Variants in UXS1 observed in about 807,000 individuals in gnomAD.
The protein encoded by UXS1 is UDP-glucuronate decarboxylase 1.
Under a neutral mutation model 62.6 loss-of-function variants are expected in UXS1, and 33 were observed. That is an observed-to-expected ratio of 0.53 (90% CI 0.40 to 0.70). The LOEUF (loss-of-function observed/expected upper bound fraction) is 0.70. UXS1 is among the 30% of genes least tolerant of loss of function. UXS1 has a pLI of 0.00. For synonymous variants in UXS1, 213 were observed against 206.8 expected, an observed-to-expected ratio of 1.03 and a Z score of -0.26; for missense variants, 434 against 556.3, an observed-to-expected ratio of 0.78 and a Z score of 2.21.
intron 14 of UXS1, among the ~76,000 whole-genome samples, chr2:106,095,960 T>C (rs2104819832): frequency 6.6e-6 from 1 of 152,278 alleles, no homozygotes; most frequent in African/African-American, 2.4e-5. Flanking sequence ...CGCCCCACCC[T>C]GCCCCCTTCA....
chr2:106,142,914 T>C lies in UXS1; in HGVS notation c.472+2276A>G, dbSNP rs898934442. Among the ~76,000 whole-genome samples, 5 of 131,198 alleles carry C rather than the reference T, an allele frequency of 3.8e-5. No homozygotes were observed. In the East Asian group the frequency reaches 9.0e-4, roughly 24 times the overall value. 86.1% of individuals were successfully genotyped at this position (131,198 alleles called of 152,430 possible). On this transcript the variant is annotated intron_variant, in intron 6 of 14. Coordinates refer to ENST00000283148, the MANE Select transcript of UXS1 (RefSeq NM_001253875.2). ...ATGTGTGGGTGTGTGGGTGTGTGTG[T>C]TTGCATGTATGTGTGTGTGTGTGTG...
At chr2:106,138,231 C>T (rs898696682) in intron 6 of UXS1, 15 of 985,498 alleles carry the variant, frequency 1.5e-5, no homozygotes, top group Middle Eastern at 1.0e-3. Context: ...AAGCTCAATC[C>T]AGACGTCAGT....
At chr2:106,104,876 A>C in intron 10 of UXS1, 39 bp from the exon 11 acceptor site, 3 of 1,613,630 alleles carry the variant, frequency 1.9e-6, no homozygotes, top group Non-Finnish European at 2.5e-6. Flanking sequence ...TGATAAAACC[A>C]CACCCGTCCT....
At chr2:106,167,429 T>C (rs1039030984) in intron 1 of UXS1, among the ~76,000 whole-genome samples, 4 of 152,170 alleles carry the variant, frequency 2.6e-5, no homozygotes, top group African/African-American at 4.8e-5. Context: ...TAGGATCTCA[T>C]AACCCCAGGC....
chr2:106,173,399 C>G (rs1485188753), intron 1 of UXS1, among the ~76,000 whole-genome samples: 1 of 152,002 alleles, frequency 6.6e-6, no homozygotes, highest in African/African-American at 2.4e-5. Context: ...CAAAAAAATA[C>G]AAAAATTAGC....
rs773855011 is a variant in UXS1 at position 106,096,816 on chromosome 2, C to T, written c.1048G>A (p.Gly350Arg). 7.6e-6 allele frequency: 12 copies of T among 1,583,330 alleles called. No individual in the cohort carries two copies. The Middle Eastern group carries it at 5.0e-4, about 65-fold the overall frequency. The change falls in exon 14 of 15, where the codon GGA (glycine) becomes AGA (arginine). Residue 350 changes from glycine (G) to arginine (R), a missense_variant. This residue lies in a region of UXS1 where 209 missense variants were observed against 233.3 expected (regional missense o/e 0.90). Transcript: ENST00000283148. ...AQLIKNLVGSGSEIQFLSEAQ... is the reference protein window; with the variant it reads ...AQLIKNLVGSRSEIQFLSEAQ... ...TCGGAGAGAAACTGAATTTCACTTC[C>T]GCTACCTGAGATGTTTAAAGAAAAA...
At chr2:106,103,560 T>C (rs892507033) in intron 11 of UXS1, among the ~76,000 whole-genome samples, 2 of 152,242 alleles carry the variant, frequency 1.3e-5, no homozygotes, top group African/African-American at 4.8e-5. Flanking sequence ...TCCAGGGACA[T>C]AGTGCCTACG....
intron 4 of UXS1, chr2:106,160,304 T>A (rs1263782369): frequency 1.3e-5 from 2 of 152,280 alleles, no homozygotes; most frequent in Non-Finnish European, 2.9e-5. Flanking sequence ...AGTCCCCAAG[T>A]GGCACACCCA....
intron 2 of UXS1, 121 bp downstream of exon 2, chr2:106,165,935 G>C: frequency 1.1e-6 from 1 of 914,392 alleles, no homozygotes; most frequent in Non-Finnish European, 1.6e-6. Flanking sequence ...TGAATAGCAA[G>C]AACCCACTTT....
At chr2:106,180,739 T>C (rs1309883608) in intron 1 of UXS1, among the ~76,000 whole-genome samples, 1 of 152,028 alleles carries the variant, frequency 6.6e-6, no homozygotes, top group Non-Finnish European at 1.5e-5. Flanking sequence ...GAGAAAGAAA[T>C]AGAAAAATTC....
intron 9 of UXS1, among the ~76,000 whole-genome samples, chr2:106,116,302 A>G (rs1679050653): frequency 1.3e-5 from 2 of 152,252 alleles, no homozygotes; most frequent in African/African-American, 4.8e-5. Context: ...AACACGGTCC[A>G]GATATTTGCA....
intron 10 of UXS1, among the ~76,000 whole-genome samples, chr2:106,110,961 G>A (rs1305009138): frequency 1.3e-5 from 2 of 152,194 alleles, no homozygotes; most frequent in Non-Finnish European, 2.9e-5. Context: ...AAAGCAAGAC[G>A]CTGCTGGGAC....
intron 1 of UXS1, among the ~76,000 whole-genome samples, chr2:106,187,111 G>A (rs945919725): frequency 1.3e-5 from 2 of 152,066 alleles, no homozygotes; most frequent in African/African-American, 4.8e-5. Flanking sequence ...AAAAATGTAG[G>A]CATCTGGTGA....
chr2:106,120,569 C>T (rs1223369171), intron 9 of UXS1, among the ~76,000 whole-genome samples: 1 of 152,198 alleles, frequency 6.6e-6, no homozygotes, highest in African/African-American at 2.4e-5. Context: ...GAGTGTGAGC[C>T]CCAATGAAAC....
chr2:106,191,022 G>A lies in UXS1; in HGVS notation c.94+3126C>T, dbSNP rs545172245. Among the ~76,000 whole-genome samples the A allele has an allele frequency of 2.6e-5, 4 of 152,192 alleles. No individual in the cohort carries two copies. In the East Asian group the frequency reaches 7.7e-4, roughly 29 times the overall value. On this transcript the variant is annotated intron_variant, in intron 1 of 14. Transcript: ENST00000283148. Reference sequence around the variant, plus strand: ...CTGAAACACATAAGACACAATCCCTGTCCTCAGAATCGGGATTTCATTGAG... The same window carrying A: ...CTGAAACACATAAGACACAATCCCTATCCTCAGAATCGGGATTTCATTGAG...
chr2:106,096,723 G>A lies in UXS1; in HGVS notation c.1141C>T (p.Pro381Ser). ...CATTAACTCCCTGCACTTACCACGG[G>A]CTCCCACCCCAGCATCAGCTTTGCT... is the stretch of plus-strand genomic sequence containing the variant. ...KKAKLMLGWEPVVPLEEGLNK... is the reference protein window; with the variant it reads ...KKAKLMLGWESVVPLEEGLNK... The change falls in exon 14 of 15, where the codon CCC (proline) becomes TCC (serine). Residue 381 changes from proline to serine, a missense_variant. Pro to Ser is a moderately conservative substitution (Grantham distance 74, BLOSUM62 -1). Transcript: ENST00000283148. 6.4e-7 allele frequency: 1 copy of A among 1,570,436 alleles called. No individual in the cohort carries two copies. The highest frequency in any genetic ancestry group is 1.7e-4 in the Middle Eastern group (1 of 6,014).
chr2:106,181,089 G>A (rs530363173), intron 1 of UXS1, among the ~76,000 whole-genome samples: 1 of 152,366 alleles, frequency 6.6e-6, no homozygotes, highest in Admixed American at 6.5e-5. Context: ...AAACCAAGGG[G>A]AGGGAATCCC....
In UXS1 at chr2:106,164,752, T is replaced by C; in HGVS notation, c.170A>G (p.Glu57Gly). ...AAGACTAACCTCTTCAATCTTGCTT[T>C]CAATTTTTAGTTCACCATTTTCCTG... ...SIQENGELKI[E>G]SKIEEMVEPL... is the part of the protein sequence containing the mutation. Residue 57 changes from glutamate (E) to glycine (G), a missense_variant, in exon 3 of 15, where the codon GAA (glutamate) becomes GGA (glycine). Coordinates refer to ENST00000283148, the MANE Select transcript of UXS1 (RefSeq NM_001253875.2). 1.3e-6 allele frequency: 2 copies of C among 1,587,502 alleles called. No homozygotes were observed. The highest frequency in any genetic ancestry group is 1.7e-6 in the Non-Finnish European group (2 of 1,165,864).
chr2:106,122,820 C>G, intron 9 of UXS1, 150 bp downstream of exon 9: 1 of 995,722 alleles, frequency 1.0e-6, no homozygotes, highest in Non-Finnish European at 1.4e-6. Context: ...GTTGATAATA[C>G]CATTAATTTA....
Sources: gnomAD v4.1 joint callset for allele counts (sites outside exome capture counted in the v4.1 genomes callset) on GRCh38, gnomAD v4.1.1 for gene constraint, gnomAD v4.1.1 regional missense constraint, MANE v1.5 for transcripts, NCBI Gene and HGNC (gene_info 2026-07-23, HGNC 2026-07-21) for gene names.